The following RBMS3 variants were observed in gnomAD, a reference collection of about 807,000 sequenced individuals.
RBMS3 encodes the protein RNA binding motif single stranded interacting protein 3.
RBMS3 carries 27 observed loss-of-function variants against 66.8 expected under a neutral mutation model. The observed-to-expected ratio is 0.40, with a 90% CI of 0.30 to 0.56. The LOEUF (loss-of-function observed/expected upper bound fraction) is 0.56, where lower values mean the gene tolerates loss of function less well. RBMS3 is among the 20% of genes least tolerant of loss of function. The pLI, the probability that RBMS3 is intolerant of heterozygous loss-of-function variation, is 0.40. For missense variants in RBMS3, 513 were observed against 549.5 expected (o/e 0.93, Z 0.66); for synonymous variants, 188 against 183.0 (o/e 1.03, Z -0.22).
chr3:29,329,356 G>A (rs1485255502), intron 1 of RBMS3, among the ~76,000 whole-genome samples: 1 of 152,086 alleles, frequency 6.6e-6, no homozygotes, highest in Non-Finnish European at 1.5e-5. Flanking sequence ...AAGGGCAGGT[G>A]GTTGAGAGGT....
intron 6 of RBMS3, among the ~76,000 whole-genome samples, chr3:29,820,396 T>TA (rs2058047753): frequency 6.6e-6 from 1 of 151,932 alleles, no homozygotes; most frequent in Non-Finnish European, 1.5e-5. Context: ...AGATTTGATC[T>TA]ATTAATTAGA....
At chr3:29,768,838 C>A (rs1446267341) in intron 6 of RBMS3, among the ~76,000 whole-genome samples, 1 of 151,884 alleles carries the variant, frequency 6.6e-6, no homozygotes. Context: ...TTAGCATTTT[C>A]CCCCTTCCCT....
chr3:29,929,319 G>A (rs2061042856), intron 10 of RBMS3, among the ~76,000 whole-genome samples: 3 of 152,144 alleles, frequency 2.0e-5, no homozygotes. Context: ...ACTTGTTTCT[G>A]TAGTTTTAGG....
chr3:29,977,821 AC>A (rs1278638838), intron 12 of RBMS3, among the ~76,000 whole-genome samples: 2 of 151,706 alleles, frequency 1.3e-5, no homozygotes, highest in Non-Finnish European at 2.9e-5. Context: ...GTCCCCATTA[AC>A]CCCTATATCT....
intron 14 of RBMS3, among the ~76,000 whole-genome samples, chr3:29,997,247 A>G (rs1464938588): frequency 6.6e-6 from 1 of 152,126 alleles, no homozygotes; most frequent in Non-Finnish European, 1.5e-5. Context: ...ATAGACCAAT[A>G]ACAGGAACTG....
At chr3:29,362,308 G>A (rs1042390344) in intron 1 of RBMS3, among the ~76,000 whole-genome samples, 1 of 151,766 alleles carries the variant, frequency 6.6e-6, no homozygotes, top group Non-Finnish European at 1.5e-5. Context: ...TTTCCTGGAG[G>A]TCCACTCCAG....
chr3:29,452,695 T>A (rs796917197), intron 2 of RBMS3, among the ~76,000 whole-genome samples: 6 of 152,282 alleles, frequency 3.9e-5, no homozygotes, highest in African/African-American at 1.4e-4. Context: ...TTGACATTTA[T>A]TTGCTTGATT....
At chr3:29,835,043 G>A (rs539334478) in intron 6 of RBMS3, among the ~76,000 whole-genome samples, 1 of 151,880 alleles carries the variant, frequency 6.6e-6, no homozygotes, top group Non-Finnish European at 1.5e-5. Context: ...AAACAATAAA[G>A]GTCACTGTAT....
At chr3:29,450,934 C>T (rs1575849438) in intron 2 of RBMS3, among the ~76,000 whole-genome samples, 1 of 49,322 alleles carries the variant, frequency 2.0e-5, no homozygotes, top group African/African-American at 5.9e-5. Context: ...CACACACACC[C>T]CCCACACACA....
intron 8 of RBMS3, among the ~76,000 whole-genome samples, chr3:29,892,965 C>T (rs1319959944): frequency 6.6e-6 from 1 of 151,194 alleles, no homozygotes; most frequent in Admixed American, 6.6e-5. Context: ...GCAGTTCCCT[C>T]CTTGGAGTCT....
intron 12 of RBMS3, among the ~76,000 whole-genome samples, chr3:29,952,654 T>C (rs1695761124): frequency 6.6e-6 from 1 of 151,922 alleles, no homozygotes; most frequent in Non-Finnish European, 1.5e-5. Flanking sequence ...AAAATACTTA[T>C]ACTTACCCAA....
At chr3:29,859,841 T>C (rs1174912780) in intron 6 of RBMS3, among the ~76,000 whole-genome samples, 1 of 152,176 alleles carries the variant, frequency 6.6e-6, no homozygotes, top group African/African-American at 2.4e-5. Flanking sequence ...TTGCCAGCTC[T>C]ATATCTAGAA....
At chr3:29,388,246 C>T (rs4389439) in intron 1 of RBMS3, among the ~76,000 whole-genome samples, 16,847 of 152,128 alleles carry the variant, frequency 0.11, 1,589 homozygotes, top group African/African-American at 0.25. Context: ...GAGAAATAAG[C>T]GGTTTGCTTG....
At chr3:29,600,120 G>T (rs1373198048) in intron 4 of RBMS3, among the ~76,000 whole-genome samples, 1 of 152,022 alleles carries the variant, frequency 6.6e-6, no homozygotes, top group Non-Finnish European at 1.5e-5. Context: ...AATGTGAATT[G>T]GTTTGACTTT....
chr3:29,500,217 T>C (rs2043915730), intron 3 of RBMS3, among the ~76,000 whole-genome samples: 1 of 151,626 alleles, frequency 6.6e-6, no homozygotes, highest in Non-Finnish European at 1.5e-5. Flanking sequence ...AGAAAATTCC[T>C]AATTTCACAT....
intron 1 of RBMS3, among the ~76,000 whole-genome samples, chr3:29,414,804 C>A (rs1348828377): frequency 6.6e-6 from 1 of 152,126 alleles, no homozygotes; most frequent in Non-Finnish European, 1.5e-5. Context: ...AGTCAAGCAT[C>A]GGGGCATAAA....
At chr3:29,382,829 TTTG>T (rs142364510) in intron 1 of RBMS3, among the ~76,000 whole-genome samples, 31,217 of 152,116 alleles carry the variant, frequency 0.21, 4,017 homozygotes, top group Middle Eastern at 0.35. Flanking sequence ...ACATCCTGGA[TTTG>T]TTATTTTTTC....
chr3:29,639,825 G>A (rs953610750), intron 4 of RBMS3, among the ~76,000 whole-genome samples: 5 of 151,806 alleles, frequency 3.3e-5, no homozygotes, highest in African/African-American at 1.2e-4. Context: ...AAGAAGGCCA[G>A]ATATTTTTTA....
At chr3:29,887,511 C>T (rs1292452781) in intron 8 of RBMS3, among the ~76,000 whole-genome samples, 1 of 151,804 alleles carries the variant, frequency 6.6e-6, no homozygotes. Context: ...TATCTTGCTT[C>T]CCCTTCACCT....
Sources: gnomAD v4.1 joint callset for allele counts (sites outside exome capture counted in the v4.1 genomes callset) on GRCh38, gnomAD v4.1.1 for gene constraint, MANE v1.5 for transcripts, NCBI Gene and HGNC (gene_info 2026-07-23, HGNC 2026-07-21) for gene names.